The following AGMO variants were observed in gnomAD, a reference collection of about 807,000 sequenced individuals.
The protein encoded by AGMO is alkylglycerol monooxygenase.
In AGMO, 75 loss-of-function variants were observed where a neutral mutation model predicts 60.2. That is an observed-to-expected ratio of 1.25 (90% CI 1.03 to 1.51). The LOEUF (loss-of-function observed/expected upper bound fraction) is 1.51. Ranked by LOEUF, AGMO falls within the 40% of genes most tolerant of loss-of-function variation. The pLI is 0.00. For synonymous variants in AGMO, 261 were observed against 177.1 expected (o/e 1.47, Z -3.76); for missense variants, 763 against 525.5 (o/e 1.45, Z -4.42).
At chr7:15,457,441 G>A (rs991197379) in intron 3 of AGMO, among the ~76,000 whole-genome samples, 2 of 152,104 alleles carry the variant, frequency 1.3e-5, no homozygotes, top group African/African-American at 2.4e-5. Context: ...CAGTAGATTT[G>A]TTCTGTGCAA....
intron 4 of AGMO, among the ~76,000 whole-genome samples, chr7:15,426,369 T>C (rs1781061020): frequency 9.2e-5 from 14 of 152,058 alleles, no homozygotes; most frequent in Admixed American, 8.5e-4. Context: ...TAGGCCAACA[T>C]AAATAACAAT....
chr7:15,346,247 C>A (rs1481639316), intron 12 of AGMO, among the ~76,000 whole-genome samples: 2 of 152,082 alleles, frequency 1.3e-5, no homozygotes, highest in African/African-American at 4.8e-5. Flanking sequence ...ATTACATGGA[C>A]TCTACATTAA....
At chr7:15,393,976 GAAAAGAAGAAA>G (rs1784259043) in intron 6 of AGMO, 126 bp downstream of exon 6, 1 of 374,698 alleles carries the variant, frequency 2.7e-6, no homozygotes, top group Admixed American at 5.5e-5. Context: ...AAAGAAGATA[GAAAAGAAGAAA>G]CTATTATTTA....
the AGMO span, among the ~76,000 whole-genome samples, chr7:15,192,934 T>C: frequency 6.6e-6 from 1 of 152,192 alleles, no homozygotes; most frequent in Non-Finnish European, 1.5e-5. Context: ...TTATAGAATA[T>C]TAAAAATGAC....
intron 3 of AGMO, among the ~76,000 whole-genome samples, chr7:15,535,792 A>G (rs756148460): frequency 6.6e-6 from 1 of 151,932 alleles, no homozygotes; most frequent in South Asian, 2.1e-4. Flanking sequence ...GGCTACAAAC[A>G]ATTCAGTTAT....
At chr7:15,120,118 C>A in the AGMO span, among the ~76,000 whole-genome samples, 52 of 152,030 alleles carry the variant, frequency 3.4e-4, no homozygotes, top group African/African-American at 1.2e-3. Context: ...CTACCAAAAT[C>A]AAAAACAAAA....
chr7:15,152,940 T>C, the AGMO span, among the ~76,000 whole-genome samples: 5 of 152,176 alleles, frequency 3.3e-5, no homozygotes, highest in African/African-American at 1.2e-4. Context: ...ATAGTTGTTT[T>C]ACTAGTTTGC....
chr7:15,397,697 T>C (rs967193643), intron 5 of AGMO, among the ~76,000 whole-genome samples: 1 of 152,230 alleles, frequency 6.6e-6, no homozygotes, highest in Admixed American at 6.5e-5. Flanking sequence ...ATGAGAGATA[T>C]ATTTTGGCCT....
At chr7:15,394,872 T>C (rs890634174) in intron 5 of AGMO, among the ~76,000 whole-genome samples, 1 of 152,186 alleles carries the variant, frequency 6.6e-6, no homozygotes, top group Non-Finnish European at 1.5e-5. Context: ...AAGTCAAATA[T>C]ATAAAAAGGC....
At chr7:15,505,084 C>A (rs1370494380) in intron 3 of AGMO, among the ~76,000 whole-genome samples, 2 of 151,760 alleles carry the variant, frequency 1.3e-5, no homozygotes, top group Non-Finnish European at 1.5e-5. Flanking sequence ...TTGCTTGCTG[C>A]CCCAAAATAA....
the AGMO span, among the ~76,000 whole-genome samples, chr7:15,169,306 CAAAT>C: frequency 6.6e-6 from 1 of 152,182 alleles, no homozygotes; most frequent in African/African-American, 2.4e-5. Context: ...AATATGCAAA[CAAAT>C]GAGTGTGGAT....
chr7:15,341,782 T>C (rs145047348), intron 12 of AGMO, among the ~76,000 whole-genome samples: 3 of 152,162 alleles, frequency 2.0e-5, no homozygotes, highest in South Asian at 4.2e-4. Context: ...CTCACAATCA[T>C]GGCAGAAGGC....
intron 12 of AGMO, among the ~76,000 whole-genome samples, chr7:15,351,344 A>G (rs75987533): frequency 0.019 from 2,864 of 152,284 alleles, 98 homozygotes; most frequent in African/African-American, 0.065. Context: ...TGAAAGAGAT[A>G]TAACATATAC....
At chr7:15,313,333 A>G (rs542565846) in intron 12 of AGMO, among the ~76,000 whole-genome samples, 2 of 152,296 alleles carry the variant, frequency 1.3e-5, no homozygotes, top group East Asian at 3.9e-4. Context: ...CAGGGAGCTA[A>G]TATTAAACTC....
At position 15,348,913 on chromosome 7, in the gene AGMO, A is replaced by G. The variant is rs1438881823; in HGVS notation, c.1263+16601T>C. Among the ~76,000 whole-genome samples, 11 of 152,282 alleles carry G rather than the reference A, an allele frequency of 7.2e-5. No homozygotes were observed. The East Asian group carries it at 2.1e-3, about 29-fold the overall frequency. Reference sequence around the variant, plus strand: ...TTCTACATAGTGTCACTAATAAAAAAGTAGAAAATAGAACCTCAAAGTTCT... The same window carrying G: ...TTCTACATAGTGTCACTAATAAAAAGGTAGAAAATAGAACCTCAAAGTTCT... On this transcript the variant is annotated intron_variant, in intron 12 of 12. Coordinates refer to ENST00000342526, the MANE Select transcript of AGMO (RefSeq NM_001004320.2).
chr7:15,224,661 C>G (rs1782023415), intron 12 of AGMO, among the ~76,000 whole-genome samples: 1 of 151,978 alleles, frequency 6.6e-6, no homozygotes, highest in Non-Finnish European at 1.5e-5. Context: ...CTTATTGCCT[C>G]ATGTCCCTGA....
intron 12 of AGMO, 134 bp downstream of exon 12, chr7:15,365,380 T>TATAAAAAAAAAAAAAAAAAA (rs1782931356): frequency 4.8e-6 from 1 of 210,468 alleles, no homozygotes; most frequent in Non-Finnish European, 8.0e-6. Context: ...TACTGGTAAG[T>TATAAAAAAAAAAAAAAAAAA]AAAAAAAAAA....
chr7:15,289,731 T>C (rs992501555), intron 12 of AGMO, among the ~76,000 whole-genome samples: 3 of 152,074 alleles, frequency 2.0e-5, no homozygotes, highest in Non-Finnish European at 2.9e-5. Flanking sequence ...AATTATTGTA[T>C]TTAAGCTAAC....
chr7:15,207,661 G>A lies in AGMO; in HGVS notation c.1264-6302C>T, dbSNP rs561639445. Among the ~76,000 whole-genome samples, 8 of 152,288 alleles carry A rather than the reference G, an allele frequency of 5.3e-5. No homozygotes were observed. The South Asian group carries it at 6.2e-4, about 12-fold the overall frequency. ...AGCATAAAGTGAAAATAGGCCGGGC[G>A]TGGTGGCTCACGCCTGTAATCCCAA... is the stretch of plus-strand genomic sequence containing the variant. On this transcript the variant is annotated intron_variant, in intron 12 of 12. Coordinates refer to ENST00000342526, the MANE Select transcript of AGMO (RefSeq NM_001004320.2).
Sources: allele counts gnomAD v4.1 joint callset (sites outside exome capture counted in the v4.1 genomes callset), GRCh38; gene constraint gnomAD v4.1.1; transcripts MANE v1.5; gene names NCBI Gene and HGNC (gene_info 2026-07-23, HGNC 2026-07-21).